Variants in UBR1 observed in about 807,000 individuals in gnomAD.
UBR1 encodes E3 ubiquitin-protein ligase UBR1.
UBR1 carries 102 observed loss-of-function variants against 242.1 expected under a neutral mutation model. That is an observed-to-expected ratio of 0.42 (90% CI 0.36 to 0.50). The LOEUF (loss-of-function observed/expected upper bound fraction) is 0.50. UBR1 is among the 20% of genes least tolerant of loss of function. The probability of loss-of-function intolerance (pLI) is 0.01; values close to 1 mark genes in which losing one functional copy is unlikely to be tolerated. For missense variants in UBR1, 1,772 were observed against 2,101.8 expected (o/e 0.84, Z 3.07); for synonymous variants, 675 against 684.8 (o/e 0.99, Z 0.22).
rs745778198 is a variant in UBR1, at chr15:43,038,148, C to T, written c.1911+23G>A. 15 of 1,612,324 alleles carry T rather than the reference C, an allele frequency of 9.3e-6. No individual in the cohort carries two copies. The East Asian group carries it at 2.7e-4, about 29-fold the overall frequency. ...ATTCAGAAACAGAATATAAGCAAAT[C>T]AATACTTAGTAGAATCACTTACAAA... On this transcript the variant is annotated intron_variant, in intron 16 of 46. Coordinates refer to ENST00000290650, the MANE Select transcript of UBR1 (RefSeq NM_174916.3).
Position 42,965,339 on chromosome 15 carries a change from C to T in UBR1, c.4591+814G>A, listed in dbSNP as rs570575732. On this transcript the variant is annotated intron_variant, in intron 41 of 46. Coordinates refer to ENST00000290650, the MANE Select transcript of UBR1 (RefSeq NM_174916.3). The stretch of plus-strand genomic sequence containing the variant: ...ACAAAGCCACAGGAAGGCTTCCCTA[C>T]TTTGGTCTAGATTTAGAGGCAAGTA... 2.6e-5 allele frequency among the ~76,000 whole-genome samples: 4 copies of T among 152,232 alleles called. No individual in the cohort carries two copies. In the South Asian group the frequency reaches 8.3e-4, roughly 32 times the overall value.
At chr15:43,055,140 G>A (rs749683718) in intron 11 of UBR1, among the ~76,000 whole-genome samples, 8 of 152,134 alleles carry the variant, frequency 5.3e-5, no homozygotes, top group Non-Finnish European at 1.0e-4. Context: ...CATTAGACAG[G>A]TTATCTAGAT....
At chr15:42,960,620 G>A in intron 43 of UBR1, 25 bp downstream of exon 43, 1 of 1,612,192 alleles carries the variant, frequency 6.2e-7, no homozygotes, top group Non-Finnish European at 8.5e-7. Context: ...GGATGAGGGA[G>A]AAAGGATTAA....
At chr15:42,988,628 T>C (rs574857703) in intron 35 of UBR1, 191 bp downstream of exon 35, 4 of 726,584 alleles carry the variant, frequency 5.5e-6, no homozygotes, top group Admixed American at 2.5e-5. Flanking sequence ...GCCACAATCA[T>C]AGTTAAAAAG....
intron 31 of UBR1, 57 bp from the exon 32 acceptor site, chr15:43,002,761 G>C: frequency 1.2e-6 from 2 of 1,610,200 alleles, no homozygotes; most frequent in African/African-American, 1.3e-5. Flanking sequence ...CTCTACATGT[G>C]TATCTCTACT....
At chr15:43,015,518 G>T in intron 29 of UBR1, 170 bp downstream of exon 29, 1 of 664,934 alleles carries the variant, frequency 1.5e-6, no homozygotes, top group Non-Finnish European at 2.6e-6. Context: ...AAGGCCGCAG[G>T]GTCCTCTGCC....
In UBR1 at chr15:43,041,435, G is replaced by C. The variant is rs140385451; in HGVS notation, c.1849+1780C>G. On this transcript the variant is annotated intron_variant, in intron 15 of 46. Coordinates refer to ENST00000290650, the MANE Select transcript of UBR1 (RefSeq NM_174916.3). ...AAGAAGGGGAACATCACACACCGGG[G>C]CCTGTCGTGGGGTTGGGGGAGGGGC... is the stretch of plus-strand genomic sequence containing the variant. 5.4e-3 allele frequency among the ~76,000 whole-genome samples: 818 copies of C among 152,152 alleles called. 9 individuals carry two copies. Among genetic ancestry groups the C allele is most frequent in the African/African-American group, 0.019 (778 of 41,500 alleles).
intron 23 of UBR1, chr15:43,026,052 T>C (rs944328840): frequency 1.2e-5 from 2 of 161,314 alleles, no homozygotes; most frequent in African/African-American, 2.4e-5. Context: ...GACAACATGG[T>C]GAAACCCGGT....
intron 37 of UBR1, among the ~76,000 whole-genome samples, chr15:42,982,206 T>A (rs1298803565): frequency 1.3e-5 from 2 of 152,210 alleles, no homozygotes; most frequent in Non-Finnish European, 2.9e-5. Flanking sequence ...TCCCATAATG[T>A]TTAACAAGTG....
chr15:43,054,688 AAT>A, intron 12 of UBR1, 52 bp downstream of exon 12: 1 of 1,590,972 alleles, frequency 6.3e-7, no homozygotes, highest in South Asian at 1.1e-5. Context: ...AGACACAGCA[AAT>A]AAGCACACTG....
chr15:42,978,997 C>T (rs1409663237), intron 37 of UBR1, among the ~76,000 whole-genome samples: 11 of 147,778 alleles, frequency 7.4e-5, no homozygotes, highest in African/African-American at 2.8e-4. Flanking sequence ...CGGGTTCAAG[C>T]GATTCTCTTG....
intron 33 of UBR1, among the ~76,000 whole-genome samples, chr15:42,995,664 T>A (rs1481397919): frequency 1.3e-5 from 2 of 152,048 alleles, no homozygotes; most frequent in Non-Finnish European, 2.9e-5. Context: ...CGAGACTCCA[T>A]CTCAAAACAA....
At chr15:42,967,963 T>C (rs1218802507) in intron 40 of UBR1, among the ~76,000 whole-genome samples, 3 of 150,824 alleles carry the variant, frequency 2.0e-5, no homozygotes, top group East Asian at 3.9e-4. Context: ...ATATATGTAG[T>C]ATGTACTGTT....
chr15:43,078,553 G>C (rs1031618613), intron 3 of UBR1, among the ~76,000 whole-genome samples: 1 of 152,144 alleles, frequency 6.6e-6, no homozygotes, highest in Non-Finnish European at 1.5e-5. Flanking sequence ...GCAAATAAGA[G>C]CCAAAACCCA....
Position 43,037,794 on chromosome 15 carries a change from A to G in UBR1, c.2001T>C (p.Asn667=). Reference sequence around the variant, plus strand: ...GTACCTGGCTAATAAGAGACAGTCCATTTCTTCGCCACATCTCAGCAACAA... The same window carrying G: ...GTACCTGGCTAATAAGAGACAGTCCGTTTCTTCGCCACATCTCAGCAACAA... The part of the protein sequence containing the change: ...AQVVAEMWRR[N]GLSLISQVFY... Residue 667 remains asparagine (N), a synonymous_variant, in exon 17 of 47, where the codon AAT becomes AAC. Coordinates refer to ENST00000290650, the MANE Select transcript of UBR1 (RefSeq NM_174916.3). The G allele has an allele frequency of 1.2e-6, 2 of 1,614,112 alleles. No homozygotes were observed. The highest frequency in any genetic ancestry group is 1.1e-5 in the South Asian group (1 of 91,084).
chr15:43,034,352 G>GA (rs1474426420), intron 19 of UBR1, among the ~76,000 whole-genome samples: 1 of 151,908 alleles, frequency 6.6e-6, no homozygotes, highest in Non-Finnish European at 1.5e-5. Flanking sequence ...TGAGGTAAGA[G>GA]AATCACTAGA....
At chr15:43,039,652 T>C (rs1234496594) in intron 15 of UBR1, among the ~76,000 whole-genome samples, 1 of 152,196 alleles carries the variant, frequency 6.6e-6, no homozygotes, top group East Asian at 1.9e-4. Context: ...CCTCTTTTCC[T>C]AACTGAATAC....
chr15:43,015,239 T>C (rs953148657), intron 29 of UBR1, among the ~76,000 whole-genome samples: 3 of 152,142 alleles, frequency 2.0e-5, no homozygotes, highest in East Asian at 1.9e-4. Context: ...AATCGGATGG[T>C]TGCTGTGTCT....
intron 46 of UBR1, among the ~76,000 whole-genome samples, chr15:42,946,991 T>G (rs2031747446): frequency 6.6e-6 from 1 of 151,744 alleles, no homozygotes; most frequent in African/African-American, 2.4e-5. Flanking sequence ...CTACTAAAAA[T>G]ACAAAAAAAA....
Sources: gnomAD v4.1 joint callset for allele counts (sites outside exome capture counted in the v4.1 genomes callset) on GRCh38, gnomAD v4.1.1 for gene constraint, MANE v1.5 for transcripts, NCBI Gene and HGNC (gene_info 2026-07-23, HGNC 2026-07-21) for gene names.